The following ERN1 variants were observed in gnomAD, a reference collection of about 807,000 sequenced individuals.
ERN1 encodes the protein serine/threonine-protein kinase/endoribonuclease IRE1.
ERN1 carries 39 observed loss-of-function variants against 113.1 expected under a neutral mutation model. The ratio of observed to expected loss-of-function variants is 0.34; its 90% CI spans 0.27 to 0.45. The LOEUF is 0.45. Among genes scored for constraint, ERN1 ranks in the 20% least tolerant of loss-of-function variants. The probability of loss-of-function intolerance (pLI) is 1.00; values close to 1 mark genes in which losing one functional copy is unlikely to be tolerated. For synonymous variants in ERN1, 507 were observed against 515.9 expected, an observed-to-expected ratio of 0.98 and a Z score of 0.23; for missense variants, 976 against 1,274.8, an observed-to-expected ratio of 0.77 and a Z score of 3.57.
intron 1 of ERN1, chr17:64,102,634 CCT>C (rs1434833689): frequency 1.0e-6 from 1 of 978,902 alleles, no homozygotes; most frequent in Non-Finnish European, 1.2e-6. Flanking sequence ...TTTCCAGATG[CCT>C]TGTGTGATAC....
rs966336497 is a variant in ERN1, at chr17:64,046,405, T to C, written c.2530-923A>G. ...ATACTAAGCATTTAAATCCTGTCCC[T>C]TGGTGGGTGAAGGTCCCTTTGTGTG... is the stretch of plus-strand genomic sequence containing the variant. On this transcript the variant is annotated intron_variant, in intron 19 of 21. Transcript: ENST00000433197. Among the ~76,000 whole-genome samples, 3 of 152,326 alleles carry C rather than the reference T, an allele frequency of 2.0e-5. No homozygotes were observed. In the East Asian group the frequency reaches 5.8e-4, roughly 29 times the overall value.
At position 64,044,921 on chromosome 17, in the gene ERN1, C is replaced by A; in HGVS notation, c.2660G>T (p.Arg887Leu). ...NITVPLQTDL[R>L]KFRTYKGGSV... ...ACCACCTTTATAGGTCCTGAATTTA[C>A]GCAGGTCTAGAAAAACATTGAGGGA... The change falls in exon 21 of 22, where the codon CGT (arginine) becomes CTT (leucine). Residue 887 changes from arginine (R) to leucine (L), a missense_variant. Transcript: ENST00000433197. The surrounding 1 kb of genome is among the most constrained non-coding windows in gnomAD (Gnocchi z 4.1). 1 of 1,588,328 alleles carries A rather than the reference C, an allele frequency of 6.3e-7. No individual in the cohort carries two copies. The highest frequency in any genetic ancestry group is 1.1e-5 in the South Asian group (1 of 87,142).
intron 1 of ERN1, 144 bp downstream of exon 1, chr17:64,129,832 G>T: frequency 1.4e-6 from 1 of 697,888 alleles, no homozygotes; most frequent in Non-Finnish European, 2.0e-6. Context: ...CCCGGCCCGA[G>T]CCTCCCACGG....
rs1912353832 is a variant in ERN1, at chr17:64,042,028, C to CG, written c.*1959_*1960insC. ...AAACCTGTGCTGAGAACGAGCTGGG[C>CG]TGGGGGCACTCCCTGTGGCAGGCCT... is the stretch of plus-strand genomic sequence containing the variant. On this transcript the variant is annotated 3_prime_UTR_variant, in exon 22 of 22. Transcript: ENST00000433197. The CG allele has an allele frequency of 6.6e-6, 1 of 152,304 alleles. No individual in the cohort carries two copies. The highest frequency in any genetic ancestry group is 1.5e-5 in the Non-Finnish European group (1 of 68,066). 9.4% of individuals were successfully genotyped at this position (152,304 alleles called of 1,614,324 possible).
At chr17:64,046,557 A>G (rs982352878) in intron 19 of ERN1, among the ~76,000 whole-genome samples, 3 of 152,262 alleles carry the variant, frequency 2.0e-5, no homozygotes, top group African/African-American at 4.8e-5. Context: ...TCCATATGCT[A>G]CAACATGGAA....
intron 3 of ERN1, 38 bp from the exon 4 acceptor site, chr17:64,079,772 G>T (rs1395196049): frequency 6.5e-7 from 1 of 1,543,450 alleles, no homozygotes; most frequent in East Asian, 2.3e-5. Flanking sequence ...ATAAATTACA[G>T]CCCAGGGCAT....
At chr17:64,090,930 C>G (rs764471592) in intron 2 of ERN1, among the ~76,000 whole-genome samples, 3 of 152,040 alleles carry the variant, frequency 2.0e-5, no homozygotes, top group Non-Finnish European at 4.4e-5. Flanking sequence ...AAGAAAGAAC[C>G]AACACATTTC....
Position 64,043,909 on chromosome 17 carries a change from G to T in ERN1, c.*79C>A. ...GGAAGCCTGGTCTCCCTGCAAAGCC[G>T]GGAGGCATCAAGCTCTAATTGTGGT... On this transcript the variant is annotated 3_prime_UTR_variant, in exon 22 of 22. Transcript: ENST00000433197. 1.0e-6 allele frequency: 1 copy of T among 996,458 alleles called. No individual in the cohort carries two copies. The highest frequency in any genetic ancestry group is 1.5e-6 in the Non-Finnish European group (1 of 663,266). The allele number at this position is 996,458 out of a possible 1,614,324, so 61.7% of individuals were successfully genotyped here. A position where few individuals can be genotyped will look rare whatever the true frequency, so the allele number is the denominator to read the frequency against.
Position 64,049,323 on chromosome 17 carries a change from C to G in ERN1, c.2254-121G>C. On this transcript the variant is annotated intron_variant, in intron 17 of 21. Transcript: ENST00000433197. The surrounding 1 kb of genome is among the most constrained non-coding windows in gnomAD (Gnocchi z 4.7). Reference sequence around the variant, plus strand: ...CTAGAAGGTGTCCTGGGAGAATCAGCTGACATATGTGAGCTGCACAGAGCA... The same window carrying G: ...CTAGAAGGTGTCCTGGGAGAATCAGGTGACATATGTGAGCTGCACAGAGCA... The G allele has an allele frequency of 1.9e-6, 2 of 1,056,572 alleles. No individual in the cohort carries two copies. Among genetic ancestry groups the G allele is most frequent in the Non-Finnish European group, 2.6e-6 (2 of 755,022 alleles). The allele number at this position is 1,056,572 out of a possible 1,614,324, so 65.4% of individuals were successfully genotyped here. A position where few individuals can be genotyped will look rare whatever the true frequency, so the allele number is the denominator to read the frequency against.
intron 6 of ERN1, among the ~76,000 whole-genome samples, chr17:64,069,579 G>A (rs936516753): frequency 1.3e-5 from 2 of 152,172 alleles, no homozygotes; most frequent in Non-Finnish European, 2.9e-5. Flanking sequence ...CTGGAGGAGG[G>A]GAACCTGAAA....
At position 64,058,645 on chromosome 17, in the gene ERN1, G is replaced by A. The variant is rs188716979; in HGVS notation, c.1207-652C>T. On this transcript the variant is annotated intron_variant, in intron 11 of 21. Transcript: ENST00000433197. ...TTCCTCAGAATCTCTAAGACTTCAC[G>A]GAACAGGCATTTAGAAAAATGCATT... Among the ~76,000 whole-genome samples the A allele has an allele frequency of 6.6e-5, 10 of 151,946 alleles. No individual in the cohort carries two copies. In the East Asian group the frequency reaches 1.9e-3, roughly 29 times the overall value.
intron 1 of ERN1, among the ~76,000 whole-genome samples, chr17:64,117,642 G>A (rs575874002): frequency 1.3e-5 from 2 of 152,236 alleles, no homozygotes; most frequent in South Asian, 2.1e-4. Flanking sequence ...ACTAAGTGAC[G>A]TGGTGCTATT....
chr17:64,106,371 C>T (rs889274228), intron 1 of ERN1, among the ~76,000 whole-genome samples: 1 of 152,152 alleles, frequency 6.6e-6, no homozygotes, highest in Non-Finnish European at 1.5e-5. Flanking sequence ...ATAATGATTT[C>T]AAGTGGATTA....
At chr17:64,116,847 G>A (rs890708197) in intron 1 of ERN1, among the ~76,000 whole-genome samples, 9 of 151,264 alleles carry the variant, frequency 5.9e-5, no homozygotes, top group Non-Finnish European at 1.2e-4. Context: ...GCTCATGCCT[G>A]TAATCCCAGC....
In ERN1 at chr17:64,060,512, T is replaced by C; in HGVS notation, c.1163A>G (p.Glu388Gly). Residue 388 changes from glutamate (E) to glycine (G), a missense_variant, in exon 11 of 22, where the codon GAA (glutamate) becomes GGA (glycine). Transcript: ENST00000433197. Reference sequence around the variant, plus strand: ...CTCTGAATCAGCAGGAATCACATTTTCCCGATGTTTGGGTAGATTGTTGGG... The same window carrying C: ...CTCTGAATCAGCAGGAATCACATTTCCCCGATGTTTGGGTAGATTGTTGGG... Reference protein sequence around the residue: ...RFPNNLPKHRENVIPADSEKK... With the variant: ...RFPNNLPKHRGNVIPADSEKK... 1.9e-6 allele frequency: 3 copies of C among 1,613,968 alleles called. No homozygotes were observed. The highest frequency in any genetic ancestry group is 2.5e-6 in the Non-Finnish European group (3 of 1,179,840).
intron 2 of ERN1, among the ~76,000 whole-genome samples, chr17:64,082,116 C>A (rs1913785546): frequency 6.6e-6 from 1 of 152,198 alleles, no homozygotes. Context: ...GAAGGAAAAT[C>A]TTTTAAGCCT....
At chr17:64,087,556 G>A (rs905384018) in intron 2 of ERN1, among the ~76,000 whole-genome samples, 1 of 152,164 alleles carries the variant, frequency 6.6e-6, no homozygotes, top group African/African-American at 2.4e-5. Context: ...AATGTTTTGG[G>A]TTGGCCCTTT....
At chr17:64,057,230 A>G (rs552407398) in intron 12 of ERN1, among the ~76,000 whole-genome samples, 1 of 152,360 alleles carries the variant, frequency 6.6e-6, no homozygotes, top group South Asian at 2.1e-4. Context: ...ATTCAAAATC[A>G]TCTTTGAGCA....
At chr17:64,065,933 C>T (rs938347510) in intron 8 of ERN1, among the ~76,000 whole-genome samples, 1 of 152,162 alleles carries the variant, frequency 6.6e-6, no homozygotes, top group African/African-American at 2.4e-5. Context: ...CACCTGGGAT[C>T]GGTCATCCAC....
Sources: gnomAD v4.1 joint callset for allele counts (sites outside exome capture counted in the v4.1 genomes callset) on GRCh38, gnomAD v4.1.1 for gene constraint, Gnocchi (gnomAD v3.1) non-coding constraint, MANE v1.5 for transcripts, NCBI Gene and HGNC (gene_info 2026-07-23, HGNC 2026-07-21) for gene names.